Variants in PTPRD observed in about 807,000 individuals in gnomAD.
The protein encoded by PTPRD is receptor-type tyrosine-protein phosphatase delta.
Under a neutral mutation model 214.5 loss-of-function variants are expected in PTPRD, and 34 were observed. That is an observed-to-expected ratio of 0.16 (90% CI 0.12 to 0.21). PTPRD has a LOEUF of 0.21. Among genes scored for constraint, PTPRD ranks in the 10% least tolerant of loss-of-function variants. The probability of loss-of-function intolerance (pLI) is 1.00; values close to 1 mark genes in which losing one functional copy is unlikely to be tolerated. For missense variants in PTPRD, 2,545 were observed against 2,398.7 expected, an observed-to-expected ratio of 1.06 and a Z score of -1.27; for synonymous variants, 1,128 against 845.7, an observed-to-expected ratio of 1.33 and a Z score of -5.79.
chr9:10,155,293 G>A (rs1406225516), intron 3 of PTPRD, among the ~76,000 whole-genome samples: 1 of 151,678 alleles, frequency 6.6e-6, no homozygotes, highest in Non-Finnish European at 1.5e-5. Flanking sequence ...TTTTTATGTT[G>A]GTTTTATATC....
intron 11 of PTPRD, among the ~76,000 whole-genome samples, chr9:8,777,361 G>GA (rs370783373): frequency 2.9e-4 from 44 of 150,116 alleles, no homozygotes; most frequent in African/African-American, 4.9e-4. Flanking sequence ...TTTCCTTCTG[G>GA]AAAAAAAAAG....
chr9:9,707,509 A>C (rs963074650), intron 7 of PTPRD, among the ~76,000 whole-genome samples: 3 of 152,092 alleles, frequency 2.0e-5, no homozygotes, highest in African/African-American at 7.2e-5. Flanking sequence ...ATTCATTCCT[A>C]AACAATGCTG....
At chr9:10,177,553 A>G (rs1024095053) in intron 3 of PTPRD, among the ~76,000 whole-genome samples, 5 of 151,842 alleles carry the variant, frequency 3.3e-5, no homozygotes, top group African/African-American at 9.7e-5. Flanking sequence ...CAGGAAGACC[A>G]GAGGAAAAAC....
At chr9:8,492,591 G>T (rs1358886852) in intron 27 of PTPRD, among the ~76,000 whole-genome samples, 4 of 140,640 alleles carry the variant, frequency 2.8e-5, no homozygotes, top group Admixed American at 1.5e-4. Flanking sequence ...GCTGGTAACA[G>T]TGCCTGACAC....
At chr9:9,497,268 C>T (rs551898981) in intron 8 of PTPRD, among the ~76,000 whole-genome samples, 41 of 152,204 alleles carry the variant, frequency 2.7e-4, no homozygotes, top group African/African-American at 9.2e-4. Flanking sequence ...GTGTATTTTA[C>T]CTCAATTTAA....
At chr9:8,592,777 G>T (rs898129644) in intron 14 of PTPRD, among the ~76,000 whole-genome samples, 1 of 152,172 alleles carries the variant, frequency 6.6e-6, no homozygotes, top group Admixed American at 6.6e-5. Context: ...ACAAATAATT[G>T]TAATATAACA....
intron 2 of PTPRD, among the ~76,000 whole-genome samples, chr9:10,380,528 A>G (rs899127147): frequency 1.3e-5 from 2 of 152,006 alleles, no homozygotes; most frequent in Admixed American, 1.3e-4. Context: ...TAATCAGCAA[A>G]ATGTGTCTTT....
At chr9:9,832,156 C>T (rs2055074727) in intron 5 of PTPRD, among the ~76,000 whole-genome samples, 1 of 151,940 alleles carries the variant, frequency 6.6e-6, no homozygotes, top group South Asian at 2.1e-4. Flanking sequence ...GTGACATGTG[C>T]TATTTTGAAG....
At chr9:8,495,824 C>G (rs951003577) in intron 26 of PTPRD, among the ~76,000 whole-genome samples, 3 of 152,202 alleles carry the variant, frequency 2.0e-5, no homozygotes, top group Non-Finnish European at 4.4e-5. Context: ...AGATTCCCAA[C>G]AAGAGCCATG....
chr9:9,673,081 C>T (rs2096861180), intron 7 of PTPRD, among the ~76,000 whole-genome samples: 1 of 151,966 alleles, frequency 6.6e-6, no homozygotes, highest in Non-Finnish European at 1.5e-5. Flanking sequence ...AGGGACACTT[C>T]ACTAGGCTGA....
intron 10 of PTPRD, among the ~76,000 whole-genome samples, chr9:9,065,536 A>G (rs2099726939): frequency 6.6e-6 from 1 of 152,316 alleles, no homozygotes; most frequent in Middle Eastern, 3.4e-3. Flanking sequence ...AAGGCATTCA[A>G]GTGCAATGTG....
chr9:8,685,730 G>A (rs1010066652), intron 12 of PTPRD, among the ~76,000 whole-genome samples: 2 of 152,224 alleles, frequency 1.3e-5, no homozygotes, highest in Non-Finnish European at 2.9e-5. Flanking sequence ...CACAGCCACA[G>A]AAGAGGTACA....
intron 9 of PTPRD, among the ~76,000 whole-genome samples, chr9:9,348,662 G>A (rs182804032): frequency 4.6e-5 from 7 of 152,224 alleles, no homozygotes; most frequent in East Asian, 1.9e-4. Context: ...ACAATGTCTA[G>A]TAAGTCCAGA....
chr9:10,585,454 GA>G (rs35923485), intron 2 of PTPRD, among the ~76,000 whole-genome samples: 27,189 of 148,860 alleles, frequency 0.18, 3,016 homozygotes, highest in East Asian at 0.53. Context: ...CTCCAATTCA[GA>G]AAAAAAAAAT....
intron 11 of PTPRD, among the ~76,000 whole-genome samples, chr9:8,894,565 T>C (rs2098589706): frequency 1.3e-5 from 2 of 152,078 alleles, no homozygotes; most frequent in African/African-American, 2.4e-5. Flanking sequence ...TGGTCATACA[T>C]GATGCTTGTA....
chr9:8,954,132 G>T lies in PTPRD; in HGVS notation c.-104+64565C>A, dbSNP rs924704355. ...CAATGGACTGGCTAAAGAAAATGCAGTACATATATATCATGGAATACAATG... is the reference window on the plus strand; with the variant it reads ...CAATGGACTGGCTAAAGAAAATGCATTACATATATATCATGGAATACAATG... On this transcript the variant is annotated intron_variant, in intron 11 of 45. Coordinates refer to ENST00000381196, the MANE Select transcript of PTPRD (RefSeq NM_002839.4). Among the ~76,000 whole-genome samples, 13 of 151,976 alleles carry T rather than the reference G, an allele frequency of 8.6e-5. No homozygotes were observed. In the South Asian group the frequency reaches 2.5e-3, roughly 29 times the overall value.
intron 9 of PTPRD, among the ~76,000 whole-genome samples, chr9:9,230,121 G>A (rs1219447879): frequency 6.6e-6 from 1 of 151,998 alleles, no homozygotes; most frequent in African/African-American, 2.4e-5. Flanking sequence ...AGTGTATTTT[G>A]TTATTCATAA....
chr9:8,708,896 G>C (rs781128900), intron 12 of PTPRD, among the ~76,000 whole-genome samples: 1 of 152,080 alleles, frequency 6.6e-6, no homozygotes, highest in Non-Finnish European at 1.5e-5. Flanking sequence ...TATGTACACA[G>C]TGAAATCCTA....
intron 7 of PTPRD, among the ~76,000 whole-genome samples, chr9:9,590,691 T>A (rs1300628746): frequency 1.3e-5 from 2 of 151,948 alleles, no homozygotes; most frequent in Non-Finnish European, 2.9e-5. Context: ...AAAAAGAGCA[T>A]GAGCTTGAAC....
Sources: allele counts gnomAD v4.1 joint callset (sites outside exome capture counted in the v4.1 genomes callset), GRCh38; gene constraint gnomAD v4.1.1; transcripts MANE v1.5; gene names NCBI Gene and HGNC (gene_info 2026-07-23, HGNC 2026-07-21).